ZFHX3: variants seen among roughly 807,000 people sequenced by gnomAD.
ZFHX3 encodes the protein zinc finger homeobox 3.
In ZFHX3, 42 loss-of-function variants were observed where a neutral mutation model predicts 279.1. The observed-to-expected ratio is 0.15, with a 90% CI of 0.12 to 0.19. ZFHX3 has a LOEUF of 0.19. ZFHX3 is among the 10% of genes least tolerant of loss of function. The pLI is 1.00. For synonymous variants in ZFHX3, 2,293 were observed against 1,957.8 expected, an observed-to-expected ratio of 1.17 and a Z score of -4.52; for missense variants, 4,981 against 4,754.0, an observed-to-expected ratio of 1.05 and a Z score of -1.40.
At chr16:73,340,941 A>C (rs1281262839) in intron 3 of ZFHX3, among the ~76,000 whole-genome samples, 9 of 152,212 alleles carry the variant, frequency 5.9e-5, no homozygotes, top group Non-Finnish European at 8.8e-5. Context: ...AATTGCATGA[A>C]AAAAACATCA....
chr16:73,286,061 C>A (rs1315862664), intron 4 of ZFHX3, among the ~76,000 whole-genome samples: 1 of 152,166 alleles, frequency 6.6e-6, no homozygotes, highest in African/African-American at 2.4e-5. Flanking sequence ...CAGTCTGTCA[C>A]GTAAACACAT....
intron 4 of ZFHX3, among the ~76,000 whole-genome samples, chr16:73,282,713 CTTT>C (rs1244463465): frequency 2.6e-5 from 4 of 152,122 alleles, no homozygotes; most frequent in African/African-American, 9.7e-5. Context: ...TCAGTTTCTT[CTTT>C]AACTTTGCAG....
chr16:73,043,202 G>A (rs916174097), intron 1 of ZFHX3, among the ~76,000 whole-genome samples: 3 of 152,106 alleles, frequency 2.0e-5, no homozygotes, highest in Admixed American at 2.0e-4. Context: ...AGACCTCCAG[G>A]ACACAGCAAG....
Position 72,960,171 on chromosome 16 carries a change from T to C in ZFHX3, c.-26A>G. On this transcript the variant is annotated 5_prime_UTR_variant, in exon 2 of 10. Coordinates refer to ENST00000268489, the MANE Select transcript of ZFHX3 (RefSeq NM_006885.4). ...GGTAAGGCCTGCGTGGAGCTTTCAT[T>C]GCACCCAGTACGGAGGCTCGGACCT... 1.2e-5 allele frequency: 18 copies of C among 1,537,354 alleles called. No individual in the cohort carries two copies. The highest frequency in any genetic ancestry group is 1.5e-5 in the Non-Finnish European group (17 of 1,139,840).
At chr16:73,876,515 T>C (rs541502680) in intron 1 of ZFHX3, among the ~76,000 whole-genome samples, 1 of 152,362 alleles carries the variant, frequency 6.6e-6, no homozygotes, top group Non-Finnish European at 1.5e-5. Flanking sequence ...ATCAGTAACA[T>C]ATATTCAATA....
chr16:73,121,776 C>A (rs1384562002), intron 7 of ZFHX3, among the ~76,000 whole-genome samples: 1 of 151,862 alleles, frequency 6.6e-6, no homozygotes, highest in Non-Finnish European at 1.5e-5. Context: ...CCACCACACC[C>A]GGCTAATTTT....
At chr16:73,874,171 T>A (rs1371442796) in intron 1 of ZFHX3, among the ~76,000 whole-genome samples, 2 of 152,118 alleles carry the variant, frequency 1.3e-5, no homozygotes, top group African/African-American at 4.8e-5. Context: ...GTGTACCCAG[T>A]ATCAAGTGTG....
chr16:73,503,783 C>T (rs998794429), intron 2 of ZFHX3, among the ~76,000 whole-genome samples: 2 of 152,184 alleles, frequency 1.3e-5, no homozygotes, highest in Non-Finnish European at 2.9e-5. Context: ...CAATTTCAGA[C>T]CAATGTCAAT....
chr16:73,581,940 C>T (rs2051866378), intron 2 of ZFHX3, among the ~76,000 whole-genome samples: 1 of 151,732 alleles, frequency 6.6e-6, no homozygotes, highest in Non-Finnish European at 1.5e-5. Flanking sequence ...TCCCAAAGTG[C>T]TGGGATTACA....
At chr16:73,516,302 T>C (rs945205085) in intron 2 of ZFHX3, among the ~76,000 whole-genome samples, 2 of 152,182 alleles carry the variant, frequency 1.3e-5, no homozygotes, top group East Asian at 1.9e-4. Context: ...CTGATGTCCA[T>C]AGAACTGTAG....
At chr16:73,108,369 T>C (rs73591199) in intron 7 of ZFHX3, among the ~76,000 whole-genome samples, 2,235 of 151,530 alleles carry the variant, frequency 0.015, 58 homozygotes, top group African/African-American at 0.051. Context: ...ATGATGATGA[T>C]GAGGAGGAGG....
In ZFHX3 at chr16:72,849,153, T is replaced by C. The variant is rs76996908; in HGVS notation, c.3449-19294A>G. 4.1e-4 allele frequency among the ~76,000 whole-genome samples: 62 copies of C among 152,304 alleles called. 2 individuals carry two copies. Among genetic ancestry groups the C allele is most frequent in the East Asian group, 2.5e-3 (13 of 5,188 alleles). On this transcript the variant is annotated intron_variant, in intron 4 of 9. Coordinates refer to ENST00000268489, the MANE Select transcript of ZFHX3 (RefSeq NM_006885.4). ...CCCGCCCTCCAGGAGCACAGGGCAG[T>C]GCGTGTGAGCCACTGACGGAGAGTG...
In ZFHX3 at chr16:72,797,596, G is replaced by C; in HGVS notation, c.5086C>G (p.Pro1696Ala). The C allele has an allele frequency of 6.2e-7, 1 of 1,614,094 alleles. No homozygotes were observed. Among genetic ancestry groups the C allele is most frequent in the South Asian group, 1.1e-5 (1 of 91,074 alleles). Residue 1696 changes from proline to alanine, a missense_variant, in exon 9 of 10, where the codon CCT becomes GCT. Around this residue, in one of 7 missense-constraint regions of ZFHX3, gnomAD observed 1,751 missense variants for 1,770.0 expected, o/e 0.99. Transcript: ENST00000268489. ...ESVGMPPLGN[P>A]IGANIASPSE... ...GGGGAAGCAATGTTGGCACCAATAG[G>C]ATTCCCCAGGGGTGGCATCCCTACA... is the stretch of plus-strand genomic sequence containing the variant.
chr16:72,788,239 G>A lies in ZFHX3; in HGVS notation c.10037C>T (p.Pro3346Leu). 6.2e-7 allele frequency: 1 copy of A among 1,614,148 alleles called. No homozygotes were observed. Among genetic ancestry groups the A allele is most frequent in the Non-Finnish European group, 8.5e-7 (1 of 1,180,014 alleles). The change falls in exon 10 of 10, where the codon CCT becomes CTT. Residue 3346 changes from proline to leucine, a missense_variant. Physicochemically the swap from Pro to Leu is moderately conservative, Grantham distance 98. This residue lies in a region of ZFHX3 where 1,034 missense variants were observed against 786.0 expected (regional missense o/e 1.32). Transcript: ENST00000268489. ...YGMEGLFPYS[P>L]ALSQALMGLS... is the part of the protein sequence containing the mutation. The stretch of plus-strand genomic sequence containing the variant: ...CCCCATCAGGGCCTGCGACAGTGCA[G>A]GGCTGTAGGGGAACAGGCCTTCCAT...
At chr16:73,181,998 C>T (rs909054062) in intron 5 of ZFHX3, among the ~76,000 whole-genome samples, 1 of 152,132 alleles carries the variant, frequency 6.6e-6, no homozygotes, top group African/African-American at 2.4e-5. Context: ...AGTGGGAGCA[C>T]TCTTCTCTAA....
At chr16:73,743,338 G>T (rs999259562) in intron 1 of ZFHX3, among the ~76,000 whole-genome samples, 1 of 152,178 alleles carries the variant, frequency 6.6e-6, no homozygotes, top group African/African-American at 2.4e-5. Flanking sequence ...ACTTTGGGAT[G>T]TGTGTAAATA....
intron 1 of ZFHX3, among the ~76,000 whole-genome samples, chr16:73,822,329 C>G (rs116923195): frequency 6.6e-6 from 1 of 152,274 alleles, no homozygotes; most frequent in Non-Finnish European, 1.5e-5. Context: ...ATAGTTCAGT[C>G]ATATTAGGTT....
At chr16:73,221,861 T>C (rs1457466472) in intron 5 of ZFHX3, among the ~76,000 whole-genome samples, 1 of 152,188 alleles carries the variant, frequency 6.6e-6, no homozygotes, top group African/African-American at 2.4e-5. Flanking sequence ...TATCAATATA[T>C]TGTATATACT....
In ZFHX3 at chr16:72,958,934, G is replaced by C; in HGVS notation, c.1212C>G (p.Gly404=). Reference sequence around the variant, plus strand: ...TCTTCAGTACCGAGCTGGTGAGCCCGCCAAGGTTCAACAGGGTGCTGGGGG... The same window carrying C: ...TCTTCAGTACCGAGCTGGTGAGCCCCCCAAGGTTCAACAGGGTGCTGGGGG... ...LLTPSTLLNL[G]GLTSSVLKTP... The change falls in exon 2 of 10, where the codon GGC becomes GGG. Residue 404 remains glycine (G), a synonymous_variant. Coordinates refer to ENST00000268489, the MANE Select transcript of ZFHX3 (RefSeq NM_006885.4). The C allele has an allele frequency of 6.3e-7, 1 of 1,598,382 alleles. No homozygotes were observed. Among genetic ancestry groups the C allele is most frequent in the Non-Finnish European group, 8.5e-7 (1 of 1,172,056 alleles).
Sources: gnomAD v4.1 joint callset for allele counts (sites outside exome capture counted in the v4.1 genomes callset) on GRCh38, gnomAD v4.1.1 for gene constraint, gnomAD v4.1.1 regional missense constraint, MANE v1.5 for transcripts, NCBI Gene and HGNC (gene_info 2026-07-23, HGNC 2026-07-21) for gene names.